The following TMEM108 variants were observed in gnomAD, a reference collection of about 807,000 sequenced individuals.
TMEM108 encodes transmembrane protein 108.
TMEM108 carries 12 observed loss-of-function variants against 35.1 expected under a neutral mutation model. The ratio of observed to expected loss-of-function variants is 0.34; its 90% confidence interval spans 0.22 to 0.55. The LOEUF (loss-of-function observed/expected upper bound fraction) is 0.55, where lower values mean the gene tolerates loss of function less well. Ranked by LOEUF, TMEM108 falls within the 20% of genes least tolerant of loss-of-function variation. The pLI is 0.89. For missense variants in TMEM108, 680 were observed against 753.3 expected (o/e 0.90, Z 1.14); for synonymous variants, 287 against 308.6 (o/e 0.93, Z 0.73).
At chr3:133,352,975 C>G (rs1010764821) in intron 3 of TMEM108, among the ~76,000 whole-genome samples, 4 of 152,152 alleles carry the variant, frequency 2.6e-5, no homozygotes, top group African/African-American at 9.7e-5. Context: ...GCAACCAGCC[C>G]CCATCTGGAG....
At chr3:133,186,659 C>T (rs28672850) in intron 2 of TMEM108, among the ~76,000 whole-genome samples, 37,192 of 152,122 alleles carry the variant, frequency 0.24, 4,979 homozygotes, top group Middle Eastern at 0.38. Context: ...CTGGAAAGAA[C>T]ATGTGAGGAA....
chr3:133,256,535 G>A (rs546347461), intron 3 of TMEM108, among the ~76,000 whole-genome samples: 42 of 152,266 alleles, frequency 2.8e-4, no homozygotes, highest in African/African-American at 9.1e-4. Context: ...AAGTTGGGAG[G>A]GGATGAAGAG....
intron 2 of TMEM108, among the ~76,000 whole-genome samples, chr3:133,197,349 T>C (rs1424458072): frequency 6.6e-6 from 1 of 152,090 alleles, no homozygotes; most frequent in Non-Finnish European, 1.5e-5. Context: ...GGCGGTTTAT[T>C]TGGGAGGTGA....
intron 2 of TMEM108, among the ~76,000 whole-genome samples, chr3:133,049,616 T>C (rs1015811921): frequency 6.6e-6 from 1 of 152,200 alleles, no homozygotes; most frequent in Non-Finnish European, 1.5e-5. Context: ...CTGGTATCTG[T>C]CTGCTACAGA....
chr3:133,311,767 C>T (rs533257563), intron 3 of TMEM108, among the ~76,000 whole-genome samples: 2 of 152,298 alleles, frequency 1.3e-5, no homozygotes, highest in African/African-American at 4.8e-5. Context: ...CGAGGAGCTG[C>T]GACACTTTGG....
intron 3 of TMEM108, among the ~76,000 whole-genome samples, chr3:133,369,689 A>G (rs2107811110): frequency 6.6e-6 from 1 of 152,370 alleles, no homozygotes; most frequent in South Asian, 2.1e-4. Context: ...TCCAAAGCAC[A>G]TCAGTAGGTA....
chr3:133,058,802 G>T (rs1943503832), intron 2 of TMEM108, among the ~76,000 whole-genome samples: 1 of 152,218 alleles, frequency 6.6e-6, no homozygotes, highest in African/African-American at 2.4e-5. Context: ...TACAGGCATG[G>T]ATCCTGCCAT....
chr3:133,368,950 C>T (rs1486627133), intron 3 of TMEM108, among the ~76,000 whole-genome samples: 1 of 152,184 alleles, frequency 6.6e-6, no homozygotes, highest in African/African-American at 2.4e-5. Flanking sequence ...TAATGTGAGG[C>T]ACTGTGTGGG....
At chr3:133,132,742 C>T (rs1407613352) in intron 2 of TMEM108, among the ~76,000 whole-genome samples, 4 of 151,944 alleles carry the variant, frequency 2.6e-5, no homozygotes, top group Admixed American at 6.6e-5. Context: ...GATAGTGATT[C>T]TTCTGATGGA....
chr3:133,165,508 T>G (rs1274128879), intron 2 of TMEM108, among the ~76,000 whole-genome samples: 1 of 152,184 alleles, frequency 6.6e-6, no homozygotes, highest in Non-Finnish European at 1.5e-5. Flanking sequence ...AAAAAAAGAC[T>G]ATAGACTGTT....
rs1222858184 is a variant in TMEM108 at position 133,136,399 on chromosome 3, C to G, written c.-47+90379C>G. 2.0e-5 allele frequency among the ~76,000 whole-genome samples: 3 copies of G among 152,194 alleles called. No individual in the cohort carries two copies. In the East Asian group the frequency reaches 5.8e-4, roughly 29 times the overall value. On this transcript the variant is annotated intron_variant, in intron 2 of 5. Transcript: ENST00000321871. ...TTTAATTAGAAAAGTATTTGCAGGG[C>G]TTATGCTTCCTACCTGCTCTTTTTA...
intron 5 of TMEM108, among the ~76,000 whole-genome samples, chr3:133,392,442 C>T (rs541500303): frequency 7.9e-5 from 12 of 152,134 alleles, no homozygotes; most frequent in Admixed American, 4.6e-4. Flanking sequence ...GGATTATAGG[C>T]GTGAGCCACT....
intron 2 of TMEM108, among the ~76,000 whole-genome samples, chr3:133,136,071 G>C (rs1476678288): frequency 6.6e-6 from 1 of 152,188 alleles, no homozygotes; most frequent in South Asian, 2.1e-4. Context: ...TTGGAATACA[G>C]ATCTGGGTTT....
intron 2 of TMEM108, among the ~76,000 whole-genome samples, chr3:133,080,420 T>A (rs1943794824): frequency 6.6e-6 from 1 of 152,204 alleles, no homozygotes; most frequent in East Asian, 1.9e-4. Flanking sequence ...TTCACCATAT[T>A]TTTTGCATGT....
intron 2 of TMEM108, among the ~76,000 whole-genome samples, chr3:133,122,512 G>A (rs1944364485): frequency 6.6e-6 from 1 of 151,998 alleles, no homozygotes. Context: ...CAATACAAAG[G>A]CAATTATGAA....
chr3:133,268,886 G>A (rs1946734631), intron 3 of TMEM108, among the ~76,000 whole-genome samples: 1 of 152,246 alleles, frequency 6.6e-6, no homozygotes, highest in Admixed American at 6.5e-5. Flanking sequence ...CTGATTTCCA[G>A]ATGACCTTTC....
chr3:133,306,829 C>G (rs993642154), intron 3 of TMEM108, among the ~76,000 whole-genome samples: 1 of 151,302 alleles, frequency 6.6e-6, no homozygotes, highest in African/African-American at 2.4e-5. Context: ...AGTAAACATA[C>G]GTGTGTGTGT....
intron 2 of TMEM108, among the ~76,000 whole-genome samples, chr3:133,068,733 G>C (rs1449228285): frequency 6.6e-6 from 1 of 152,188 alleles, no homozygotes; most frequent in Non-Finnish European, 1.5e-5. Flanking sequence ...TGTTACCTGT[G>C]AGGATATAAA....
At chr3:133,307,978 C>A (rs1401698655) in intron 3 of TMEM108, among the ~76,000 whole-genome samples, 1 of 152,090 alleles carries the variant, frequency 6.6e-6, no homozygotes, top group African/African-American at 2.4e-5. Context: ...GATATTGATT[C>A]TTCCTGTATA....
Sources: allele counts gnomAD v4.1 joint callset (sites outside exome capture counted in the v4.1 genomes callset), GRCh38; gene constraint gnomAD v4.1.1; transcripts MANE v1.5; gene names NCBI Gene and HGNC (gene_info 2026-07-23, HGNC 2026-07-21).